SLC25A33: variants seen among roughly 807,000 people sequenced by gnomAD.
SLC25A33 encodes the protein solute carrier family 25 member 33.
SLC25A33 carries 15 observed loss-of-function variants against 35.5 expected under a neutral mutation model. The ratio of observed to expected loss-of-function variants is 0.42; its 90% CI spans 0.28 to 0.65. The LOEUF is 0.65. SLC25A33 is among the 30% of genes least tolerant of loss of function. The pLI, the probability that SLC25A33 is intolerant of heterozygous loss-of-function variation, is 0.20. For missense variants in SLC25A33, 257 were observed against 398.5 expected (o/e 0.64, Z 3.02); for synonymous variants, 136 against 148.7 (o/e 0.91, Z 0.62).
At chr1:9,571,635 T>A (rs932190257) in intron 4 of SLC25A33, among the ~76,000 whole-genome samples, 34 of 151,088 alleles carry the variant, frequency 2.3e-4, no homozygotes, top group African/African-American at 2.4e-4. Context: ...TTTTTTTTTT[T>A]AATTGGTATT....
At chr1:9,576,700 G>A (rs1557537187) in intron 5 of SLC25A33, 3 of 688,386 alleles carry the variant, frequency 4.4e-6, no homozygotes, top group Non-Finnish European at 5.3e-6. Flanking sequence ...GTCTGCGTAT[G>A]CTCACTTCCC....
intron 2 of SLC25A33, among the ~76,000 whole-genome samples, chr1:9,564,737 A>ATATATATATATATAT (rs1396734975): frequency 2.7e-5 from 2 of 72,730 alleles, no homozygotes; most frequent in Non-Finnish European, 4.9e-5. Context: ...AAAAAAAAAA[A>ATATATATATATATAT]AAATATATAT....
In SLC25A33 at chr1:9,570,300, T is replaced by G; in HGVS notation, c.357T>G (p.Phe119Leu). The G allele has an allele frequency of 6.2e-7, 1 of 1,614,160 alleles. No homozygotes were observed. Among genetic ancestry groups the G allele is most frequent in the Admixed American group, 1.7e-5 (1 of 60,016 alleles). Residue 119 changes from phenylalanine to leucine, a missense_variant, in exon 4 of 7, where the codon TTT (phenylalanine) becomes TTG (leucine). Physicochemically the swap from Phe to Leu is conservative, Grantham distance 22. Coordinates refer to ENST00000302692, the MANE Select transcript of SLC25A33 (RefSeq NM_032315.3). The stretch of plus-strand genomic sequence containing the variant: ...GTTACTCCAAAGCCAAAGAGCAATT[T>G]AATGGCATTTTCGTGCCTAACAGCA... ...FACYSKAKEQ[F>L]NGIFVPNSNI...
intron 2 of SLC25A33, among the ~76,000 whole-genome samples, chr1:9,555,787 C>T (rs991954101): frequency 6.6e-6 from 1 of 152,180 alleles, no homozygotes; most frequent in African/African-American, 2.4e-5. Flanking sequence ...TCGGTTCAAG[C>T]GATTCTTCTG....
intron 3 of SLC25A33, among the ~76,000 whole-genome samples, chr1:9,569,451 C>T (rs894482901): frequency 1.6e-4 from 25 of 152,118 alleles, no homozygotes; most frequent in African/African-American, 4.8e-4. Flanking sequence ...GAAGAGCCCT[C>T]GCTGCTCACA....
chr1:9,546,894 A>G (rs1412961588), intron 1 of SLC25A33, among the ~76,000 whole-genome samples: 2 of 152,184 alleles, frequency 1.3e-5, no homozygotes, highest in African/African-American at 2.4e-5. Context: ...CTGGCCCTGC[A>G]TAGCCACAGA....
chr1:9,542,232 C>T (rs1036825900), intron 1 of SLC25A33, among the ~76,000 whole-genome samples: 2 of 152,096 alleles, frequency 1.3e-5, no homozygotes, highest in African/African-American at 4.8e-5. Flanking sequence ...TCCCTGTGCC[C>T]TCTGGCTGCC....
chr1:9,583,981 T>C lies in SLC25A33; in HGVS notation c.*1480T>C, dbSNP rs914913184. ...CTGCACTCCAGCCTGGGCCACAGAG[T>C]GCGACTCCATCTCAAAAAAAAAAAA... is the stretch of plus-strand genomic sequence containing the variant. On this transcript the variant is annotated 3_prime_UTR_variant, in exon 7 of 7. Coordinates refer to ENST00000302692, the MANE Select transcript of SLC25A33 (RefSeq NM_032315.3). 1.4e-5 allele frequency: 2 copies of C among 143,354 alleles called. No homozygotes were observed. The highest frequency in any genetic ancestry group is 3.0e-5 in the Non-Finnish European group (2 of 66,358). The allele number at this position is 143,354 out of a possible 1,614,324, so 8.9% of individuals were successfully genotyped here. A position where few individuals can be genotyped will look rare whatever the true frequency, so the allele number is the denominator to read the frequency against.
At chr1:9,571,543 T>G (rs533846750) in intron 4 of SLC25A33, among the ~76,000 whole-genome samples, 1 of 152,154 alleles carries the variant, frequency 6.6e-6, no homozygotes, top group South Asian at 2.1e-4. Flanking sequence ...TCCCAAAGTG[T>G]TGGGATTACA....
chr1:9,558,744 C>G (rs962935685), intron 2 of SLC25A33, among the ~76,000 whole-genome samples: 2 of 152,156 alleles, frequency 1.3e-5, no homozygotes, highest in East Asian at 3.8e-4. Flanking sequence ...CACCACTGTC[C>G]TGATGGAAGC....
intron 5 of SLC25A33, chr1:9,576,363 G>A (rs1643660996): frequency 5.7e-6 from 2 of 353,574 alleles, no homozygotes; most frequent in African/African-American, 4.3e-5. Flanking sequence ...GGCCTTCAGA[G>A]GCAGCAGCAC....
intron 2 of SLC25A33, among the ~76,000 whole-genome samples, chr1:9,564,739 A>AAAAAAAAAAAAATAT (rs60174872): frequency 1.0e-5 from 1 of 96,582 alleles, no homozygotes; most frequent in African/African-American, 4.4e-5. Context: ...AAAAAAAAAA[A>AAAAAAAAAAAAATAT]ATATATATAT....
chr1:9,582,503 A>C lies in SLC25A33; in HGVS notation c.*2A>C. ...CTGTTAGAAGACCGTACTCAGTAAC[A>C]GGCCGGAAAATTGTGCTCTAGAAGA... On this transcript the variant is annotated 3_prime_UTR_variant, in exon 7 of 7. Coordinates refer to ENST00000302692, the MANE Select transcript of SLC25A33 (RefSeq NM_032315.3). This position sits in a 1 kb window ranked among gnomAD's most constrained non-coding sequence, Gnocchi z 4.0. The C allele has an allele frequency of 2.5e-6, 4 of 1,608,578 alleles. No homozygotes were observed. The highest frequency in any genetic ancestry group is 3.4e-6 in the Non-Finnish European group (4 of 1,176,456).
intron 4 of SLC25A33, 100 bp from the exon 5 acceptor site, chr1:9,573,245 CA>C (rs1304367250): frequency 1.3e-6 from 1 of 768,236 alleles, no homozygotes; most frequent in African/African-American, 1.8e-5. Flanking sequence ...TTTATTAGGC[CA>C]TTGAAATCCC....
chr1:9,569,994 T>C (rs1293942920), intron 3 of SLC25A33, among the ~76,000 whole-genome samples: 1 of 152,202 alleles, frequency 6.6e-6, no homozygotes, highest in Non-Finnish European at 1.5e-5. Flanking sequence ...GTAAAAGGAC[T>C]TTGTAGATGT....
intron 3 of SLC25A33, 136 bp from the exon 4 acceptor site, chr1:9,570,122 A>C: frequency 1.5e-6 from 1 of 653,278 alleles, no homozygotes; most frequent in East Asian, 3.0e-5. Context: ...TGGTTTTAGC[A>C]CAGGCGAGGA....
Position 9,568,971 on chromosome 1 carries a change from C to T in SLC25A33, c.315-1287C>T, listed in dbSNP as rs374120265. Among the ~76,000 whole-genome samples the T allele has an allele frequency of 5.3e-5, 8 of 151,348 alleles. No homozygotes were observed. In the Middle Eastern group the frequency reaches 0.011, roughly 203 times the overall value. The stretch of plus-strand genomic sequence containing the variant: ...CCAATTTAAACATAAATCGGCTGGG[C>T]GCAGTAGCCCACACCTATAATCCCT... On this transcript the variant is annotated intron_variant, in intron 3 of 6. Transcript: ENST00000302692.
intron 6 of SLC25A33, among the ~76,000 whole-genome samples, chr1:9,581,327 T>G (rs1017045654): frequency 2.0e-5 from 3 of 152,080 alleles, no homozygotes; most frequent in African/African-American, 7.2e-5. Context: ...AACTGAAAAA[T>G]ATAAGAAAAG....
intron 1 of SLC25A33, among the ~76,000 whole-genome samples, chr1:9,539,992 C>T (rs927174396): frequency 2.0e-5 from 3 of 152,168 alleles, no homozygotes; most frequent in Non-Finnish European, 4.4e-5. Flanking sequence ...GCCCGTCCTC[C>T]CCGCGGCGTC....
Sources: allele counts gnomAD v4.1 joint callset (sites outside exome capture counted in the v4.1 genomes callset), GRCh38; gene constraint gnomAD v4.1.1; non-coding constraint Gnocchi (gnomAD v3.1); transcripts MANE v1.5; gene names NCBI Gene and HGNC (gene_info 2026-07-23, HGNC 2026-07-21).